The following PRKAR1B variants were observed in gnomAD, a reference collection of about 807,000 sequenced individuals.
The protein encoded by PRKAR1B is protein kinase cAMP-dependent type I regulatory subunit beta, also known as cAMP-dependent protein kinase type I-beta regulatory subunit.
A neutral mutation model predicts 46.5 loss-of-function variants in PRKAR1B; 22 were observed. The observed-to-expected ratio is 0.47, with a 90% CI of 0.34 to 0.68. The LOEUF (loss-of-function observed/expected upper bound fraction) is 0.68, where lower values mean the gene tolerates loss of function less well. Ranked by LOEUF, PRKAR1B falls within the 30% of genes least tolerant of loss-of-function variation. PRKAR1B has a pLI of 0.01. For synonymous variants in PRKAR1B, 259 were observed against 217.7 expected, an observed-to-expected ratio of 1.19 and a Z score of -1.67; for missense variants, 445 against 535.6, an observed-to-expected ratio of 0.83 and a Z score of 1.67.
chr7:656,892 A>G (rs1785229092), intron 4 of PRKAR1B, among the ~76,000 whole-genome samples: 2 of 151,472 alleles, frequency 1.3e-5, no homozygotes, highest in Admixed American at 1.3e-4. Context: ...TGGATGCATG[A>G]GTGAATGCAT....
Position 713,823 on chromosome 7 carries a change from C to T in PRKAR1B, c.-22-2296G>A, listed in dbSNP as rs536743471. Among the ~76,000 whole-genome samples the T allele has an allele frequency of 3.9e-5, 6 of 152,366 alleles. 1 individual carries two copies. In the South Asian group the frequency reaches 8.3e-4, roughly 21 times the overall value. ...CTCAGCCTCTTCCTGCCAGGGTGAA[C>T]GTAAACCAAGCAGGCCACCCTCGGG... On this transcript the variant is annotated intron_variant, in intron 1 of 10. Coordinates refer to ENST00000537384, the MANE Select transcript of PRKAR1B (RefSeq NM_001164760.2).
chr7:596,455 T>A (rs1781270408), intron 6 of PRKAR1B, 151 bp from the exon 7 acceptor site: 2 of 961,090 alleles, frequency 2.1e-6, no homozygotes, highest in Non-Finnish European at 1.5e-6. Flanking sequence ...AGCCCTGCGT[T>A]CCCCAGCAAT....
At chr7:583,646 ATG>A in intron 8 of PRKAR1B, among the ~76,000 whole-genome samples, 10 of 129,932 alleles carry the variant, frequency 7.7e-5, no homozygotes, top group African/African-American at 9.3e-5. Flanking sequence ...ACTCACATGC[ATG>A]CACACCCATG....
At chr7:617,995 GC>G (rs1215762460) in intron 4 of PRKAR1B, among the ~76,000 whole-genome samples, 2 of 152,102 alleles carry the variant, frequency 1.3e-5, no homozygotes, top group African/African-American at 4.8e-5. Flanking sequence ...GGAAGCAGAG[GC>G]CCCACCCACT....
intron 4 of PRKAR1B, among the ~76,000 whole-genome samples, chr7:661,536 C>G (rs1195151409): frequency 5.8e-5 from 4 of 68,608 alleles, no homozygotes; most frequent in Admixed American, 1.4e-4. Context: ...CCCAACAGAT[C>G]CAAATACCTA....
intron 9 of PRKAR1B, among the ~76,000 whole-genome samples, chr7:559,849 G>A (rs748033886): frequency 3.9e-5 from 6 of 152,216 alleles, no homozygotes; most frequent in Non-Finnish European, 8.8e-5. Context: ...GCCAAAGAAG[G>A]AAGATTCCTT....
rs944309338 is a variant in PRKAR1B, at chr7:593,465, G to A, written c.708+2681C>T. ...GACCCAAAATTAAAACAGAGGAAGC[G>A]CCAGCTCCCTCAGTGGTTTGGGAAC... On this transcript the variant is annotated intron_variant, in intron 7 of 10. Coordinates refer to ENST00000537384, the MANE Select transcript of PRKAR1B (RefSeq NM_001164760.2). This position sits in a 1 kb window ranked among gnomAD's most constrained non-coding sequence, Gnocchi z 6.1. 1.4e-4 allele frequency among the ~76,000 whole-genome samples: 22 copies of A among 152,152 alleles called. No individual in the cohort carries two copies. Among genetic ancestry groups the A allele is most frequent in the African/African-American group, 5.3e-4 (22 of 41,420 alleles).
chr7:582,996 C>T (rs544726562), intron 8 of PRKAR1B, among the ~76,000 whole-genome samples: 3 of 152,162 alleles, frequency 2.0e-5, no homozygotes, highest in Non-Finnish European at 2.9e-5. Context: ...TCCATTCCCA[C>T]GAAACGTCCC....
chr7:598,090 G>A (rs1412392385), intron 6 of PRKAR1B, among the ~76,000 whole-genome samples: 1 of 152,136 alleles, frequency 6.6e-6, no homozygotes, highest in Non-Finnish European at 1.5e-5. Flanking sequence ...TGACATGCAC[G>A]CCTGGGGTGG....
At chr7:650,761 C>G (rs1219852118) in intron 4 of PRKAR1B, among the ~76,000 whole-genome samples, 2 of 152,234 alleles carry the variant, frequency 1.3e-5, no homozygotes, top group East Asian at 1.9e-4. Context: ...ACGTGGCCCA[C>G]AGGCAGCTCA....
chr7:695,030 C>CAAAAAA (rs924223625), intron 2 of PRKAR1B, among the ~76,000 whole-genome samples: 4 of 78,576 alleles, frequency 5.1e-5, no homozygotes, highest in African/African-American at 1.8e-4. Context: ...GACTCCGTCT[C>CAAAAAA]AAAAAAAAAA....
intron 4 of PRKAR1B, among the ~76,000 whole-genome samples, chr7:642,443 C>A (rs142410001): frequency 0.034 from 5,198 of 152,210 alleles, 112 homozygotes; most frequent in African/African-American, 0.056. Flanking sequence ...GAAACAAACT[C>A]GGCCGGGCGC....
At chr7:688,287 C>T (rs1779212447) in intron 2 of PRKAR1B, among the ~76,000 whole-genome samples, 1 of 151,612 alleles carries the variant, frequency 6.6e-6, no homozygotes, top group Non-Finnish European at 1.5e-5. Flanking sequence ...TGCCTGTAAT[C>T]CCAGTTACCC....
At position 549,793 on chromosome 7, in the gene PRKAR1B, G is replaced by C. The variant is rs11545043; in HGVS notation, c.*637C>G. 11,833 of 152,540 alleles carry C rather than the reference G, an allele frequency of 0.078. 565 individuals carry two copies. Among genetic ancestry groups the C allele is most frequent in the Non-Finnish European group, 0.11 (7,190 of 68,274 alleles). 9.4% of individuals were successfully genotyped at this position (152,540 alleles called of 1,614,324 possible). On this transcript the variant is annotated 3_prime_UTR_variant, in exon 11 of 11. Coordinates refer to ENST00000537384, the MANE Select transcript of PRKAR1B (RefSeq NM_001164760.2). ...AGGAGCCCCGTGTGTCTTGGCGCCC[G>C]GCTTCCTCTCCAATTAGGGGCAAGA...
intron 6 of PRKAR1B, among the ~76,000 whole-genome samples, chr7:599,862 G>A (rs1175452757): frequency 6.8e-6 from 1 of 146,350 alleles, no homozygotes; most frequent in Admixed American, 6.7e-5. Flanking sequence ...GGAGCTGGGG[G>A]AGGCACACGG....
rs1466147550 is a variant in PRKAR1B, at chr7:550,309, G to A, written c.*121C>T. ...AGTCCGGGGAAGGGGCAGTCCTCACGCTGCCGGGACCCAGCCCCACCCGGC... is the reference window on the plus strand; with the variant it reads ...AGTCCGGGGAAGGGGCAGTCCTCACACTGCCGGGACCCAGCCCCACCCGGC... On this transcript the variant is annotated 3_prime_UTR_variant, in exon 11 of 11. Transcript: ENST00000537384. 7.5e-6 allele frequency: 6 copies of A among 801,230 alleles called. No individual in the cohort carries two copies. Among genetic ancestry groups the A allele is most frequent in the East Asian group, 2.7e-5 (1 of 36,976 alleles). 49.6% of individuals were successfully genotyped at this position (801,230 alleles called of 1,614,324 possible). A position where few individuals can be genotyped will look rare whatever the true frequency, so the allele number is the denominator to read the frequency against.
At chr7:669,241 T>A (rs531837820) in intron 4 of PRKAR1B, among the ~76,000 whole-genome samples, 3 of 152,304 alleles carry the variant, frequency 2.0e-5, no homozygotes, top group Middle Eastern at 6.8e-3. Context: ...TCATATATCA[T>A]GGTTCATTTA....
At chr7:557,595 G>A (rs1778525176) in intron 9 of PRKAR1B, among the ~76,000 whole-genome samples, 1 of 152,174 alleles carries the variant, frequency 6.6e-6, no homozygotes, top group South Asian at 2.1e-4. Flanking sequence ...GGAGGGGCAG[G>A]GGTGCCGACC....
At chr7:709,504 G>A (rs1234139951) in intron 2 of PRKAR1B, among the ~76,000 whole-genome samples, 1 of 151,838 alleles carries the variant, frequency 6.6e-6, no homozygotes, top group Non-Finnish European at 1.5e-5. Context: ...CTGAGTAGCT[G>A]GGACTACAGG....
Sources: allele counts gnomAD v4.1 joint callset (sites outside exome capture counted in the v4.1 genomes callset), GRCh38; gene constraint gnomAD v4.1.1; non-coding constraint Gnocchi (gnomAD v3.1); transcripts MANE v1.5; gene names NCBI Gene and HGNC (gene_info 2026-07-23, HGNC 2026-07-21).